C5orf15: variants seen among roughly 807,000 people sequenced by gnomAD.
C5orf15 encodes keratinocyte-associated transmembrane protein 2.
In C5orf15, 10 loss-of-function variants were observed where a neutral mutation model predicts 17.8. The observed-to-expected ratio is 0.56, with a 90% CI of 0.35 to 0.95. C5orf15 has a LOEUF of 0.95. C5orf15 is among the 40% of genes least tolerant of loss of function. The pLI, the probability that C5orf15 is intolerant of heterozygous loss-of-function variation, is 0.02. For synonymous variants in C5orf15, 124 were observed against 131.0 expected, an observed-to-expected ratio of 0.95 and a Z score of 0.36; for missense variants, 319 against 331.7, an observed-to-expected ratio of 0.96 and a Z score of 0.30.
chr5:133,968,376 C>T (rs1752226610), intron 1 of C5orf15, 70 bp downstream of exon 1: 1 of 1,550,516 alleles, frequency 6.4e-7, no homozygotes, highest in Non-Finnish European at 8.7e-7. Context: ...TTTCCCTGGC[C>T]CGGCCTGTCT....
At chr5:133,964,912 T>G (rs1752172122) in intron 1 of C5orf15, among the ~76,000 whole-genome samples, 1 of 152,196 alleles carries the variant, frequency 6.6e-6, no homozygotes, top group African/African-American at 2.4e-5. Flanking sequence ...CCACCCTAAC[T>G]TCTACTGTCT....
intron 1 of C5orf15, among the ~76,000 whole-genome samples, chr5:133,967,703 G>A (rs1331445023): frequency 2.6e-5 from 4 of 152,158 alleles, no homozygotes; most frequent in Admixed American, 6.5e-5. Flanking sequence ...ACAGGGAAGA[G>A]GAATCATGAT....
At position 133,968,603 on chromosome 5, in the gene C5orf15, C is replaced by CAA. The variant is rs1752233076; in HGVS notation, c.-20_-19insTT. 1.3e-6 allele frequency: 2 copies of CAA among 1,594,938 alleles called. No homozygotes were observed. Among genetic ancestry groups the CAA allele is most frequent in the Non-Finnish European group, 1.7e-6 (2 of 1,171,636 alleles). On this transcript the variant is annotated 5_prime_UTR_variant, in exon 1 of 3. Coordinates refer to ENST00000231512, the MANE Select transcript of C5orf15 (RefSeq NM_020199.3). ...CGGCCATAACGGACTCGGCTGGGAG[C>CAA]CTGCGCTGTTGCTAGGCTCTACGCC...
chr5:133,958,676 C>A (rs1752073754), intron 2 of C5orf15, among the ~76,000 whole-genome samples: 1 of 148,448 alleles, frequency 6.7e-6, no homozygotes, highest in Non-Finnish European at 1.5e-5. Context: ...CATTTATAGA[C>A]CAGAAATACA....
rs903288214 is a variant in C5orf15 at position 133,955,727 on chromosome 5, C to G, written c.*1132G>C. ...GCAAGCCCACTGGCTCACCCGGGTC[C>G]TGCTTAACATATATTAGGGCTATGT... is the stretch of plus-strand genomic sequence containing the variant. On this transcript the variant is annotated 3_prime_UTR_variant, in exon 3 of 3. Coordinates refer to ENST00000231512, the MANE Select transcript of C5orf15 (RefSeq NM_020199.3). 1 of 152,640 alleles carries G rather than the reference C, an allele frequency of 6.6e-6. No individual in the cohort carries two copies. Among genetic ancestry groups the G allele is most frequent in the Non-Finnish European group, 1.5e-5 (1 of 68,030 alleles). 9.5% of individuals were successfully genotyped at this position (152,640 alleles called of 1,614,324 possible).
intron 1 of C5orf15, among the ~76,000 whole-genome samples, chr5:133,964,210 T>C (rs1031638869): frequency 6.6e-6 from 1 of 151,826 alleles, no homozygotes; most frequent in Non-Finnish European, 1.5e-5. Context: ...AGACTTACTC[T>C]CGAAAAAATA....
At chr5:133,961,524 C>T (rs182826421) in intron 1 of C5orf15, among the ~76,000 whole-genome samples, 145 of 144,360 alleles carry the variant, frequency 1.0e-3, no homozygotes, top group African/African-American at 3.7e-3. Flanking sequence ...CTAGCCTGGC[C>T]GACAGAGCAA....
At chr5:133,961,804 A>G (rs1444136390) in intron 1 of C5orf15, among the ~76,000 whole-genome samples, 2 of 148,544 alleles carry the variant, frequency 1.3e-5, no homozygotes, top group Non-Finnish European at 3.0e-5. Flanking sequence ...GCATCTTGCC[A>G]TGTTGCCCAG....
At chr5:133,958,948 C>T (rs1277867213) in intron 2 of C5orf15, among the ~76,000 whole-genome samples, 1 of 151,864 alleles carries the variant, frequency 6.6e-6, no homozygotes. Context: ...AGAAATAGGA[C>T]TATTTCTTTT....
Position 133,968,553 on chromosome 5 carries a change from C to A in C5orf15, c.32G>T (p.Gly11Val), listed in dbSNP as rs763350945. ...GGGCAGCAGTTTCGCTTGTGCTGGC[C>A]CCCTCATCCTCTTCGGGACGGCAGC... MAAAVPKRMR[G>V]PAQAKLLPGS... is the part of the protein sequence containing the mutation. Residue 11 changes from glycine (G) to valine (V), a missense_variant, in exon 1 of 3, where the codon GGG (glycine) becomes GTG (valine). Around this residue, in one of 3 missense-constraint regions of C5orf15, gnomAD observed 127 missense variants for 95.6 expected, o/e 1.33. Transcript: ENST00000231512. 5.0e-6 allele frequency: 8 copies of A among 1,610,008 alleles called. No individual in the cohort carries two copies. In the African/African-American group the frequency reaches 9.3e-5, roughly 19 times the overall value.
In C5orf15 at chr5:133,957,031, G is replaced by T. The variant is rs375380006; in HGVS notation, c.667-41C>A. 1.2e-4 allele frequency: 178 copies of T among 1,481,522 alleles called. 3 individuals are homozygous for T. In the South Asian group the frequency reaches 1.4e-3, roughly 12 times the overall value. The allele number at this position is 1,481,522 out of a possible 1,614,324, so 91.8% of individuals were successfully genotyped here. On this transcript the variant is annotated intron_variant, in intron 2 of 2. Transcript: ENST00000231512. ...CATTAAATAGGCAAAAGAGAAAACA[G>T]AGAATATGGTAAACATTTTTATAAC... is the stretch of plus-strand genomic sequence containing the variant.
intron 1 of C5orf15, among the ~76,000 whole-genome samples, chr5:133,966,844 A>T (rs561687901): frequency 6.6e-6 from 1 of 152,370 alleles, no homozygotes; most frequent in South Asian, 2.1e-4. Context: ...AATAATCTGA[A>T]TTTATGACAT....
Position 133,959,676 on chromosome 5 carries a change from C to T in C5orf15, c.484G>A (p.Asp162Asn), listed in dbSNP as rs1466866543. The T allele has an allele frequency of 9.9e-6, 16 of 1,613,392 alleles. No homozygotes were observed. The East Asian group carries it at 2.5e-4, about 25-fold the overall frequency. Residue 162 changes from aspartate (D) to asparagine (N), a missense_variant, in exon 2 of 3, where the codon GAC becomes AAC. Transcript: ENST00000231512. ...TCCAAGGTGTCATCAGACTCGTCGTCGTCCCTGGGGCCCGTGGTCCAGTCA... is the reference window on the plus strand; with the variant it reads ...TCCAAGGTGTCATCAGACTCGTCGTTGTCCCTGGGGCCCGTGGTCCAGTCA... ...DYDWTTGPRD[D>N]DESDDTLEEN...
intron 1 of C5orf15, among the ~76,000 whole-genome samples, chr5:133,962,450 C>T (rs942659627): frequency 2.0e-5 from 3 of 152,178 alleles, no homozygotes; most frequent in African/African-American, 7.2e-5. Flanking sequence ...TCAGACCATT[C>T]TCCCGTTCTT....
Position 133,956,845 on chromosome 5 carries a change from C to A in C5orf15, c.*14G>T. 1 of 1,570,692 alleles carries A rather than the reference C, an allele frequency of 6.4e-7. No individual in the cohort carries two copies. The highest frequency in any genetic ancestry group is 1.2e-5 in the South Asian group (1 of 82,180). ...GCAAATAAAATTACATAAGCAAATT[C>A]AAATCACAGTGCTTTAAAAAATATA... On this transcript the variant is annotated 3_prime_UTR_variant, in exon 3 of 3. Coordinates refer to ENST00000231512, the MANE Select transcript of C5orf15 (RefSeq NM_020199.3).
intron 2 of C5orf15, among the ~76,000 whole-genome samples, 167 bp from the exon 3 acceptor site, chr5:133,957,157 G>A (rs1430456957): frequency 6.6e-6 from 1 of 152,152 alleles, no homozygotes; most frequent in African/African-American, 2.4e-5. Flanking sequence ...TTGAGCCCAG[G>A]AGTCCGAGAC....
At chr5:133,963,527 T>C (rs1279109289) in intron 1 of C5orf15, among the ~76,000 whole-genome samples, 2 of 152,210 alleles carry the variant, frequency 1.3e-5, no homozygotes, top group African/African-American at 4.8e-5. Context: ...TGGAAAGAAC[T>C]GGGTAGAACA....
intron 2 of C5orf15, among the ~76,000 whole-genome samples, chr5:133,958,279 TA>T (rs1752065175): frequency 6.6e-6 from 1 of 151,912 alleles, no homozygotes; most frequent in Non-Finnish European, 1.5e-5. Flanking sequence ...GGTCAGGACA[TA>T]AAACTCTATG....
intron 1 of C5orf15, among the ~76,000 whole-genome samples, chr5:133,965,787 C>T (rs969542153): frequency 2.0e-5 from 3 of 152,106 alleles, no homozygotes; most frequent in Non-Finnish European, 4.4e-5. Context: ...CAGCTGAGCA[C>T]GGTGGCAGGC....
Sources: allele counts gnomAD v4.1 joint callset (sites outside exome capture counted in the v4.1 genomes callset), GRCh38; gene constraint gnomAD v4.1.1; regional missense constraint gnomAD v4.1.1; transcripts MANE v1.5; gene names NCBI Gene and HGNC (gene_info 2026-07-23, HGNC 2026-07-21).